EEA1: variants seen among roughly 807,000 people sequenced by gnomAD.
The protein encoded by EEA1 is early endosome antigen 1.
Under a neutral mutation model 209.2 loss-of-function variants are expected in EEA1, and 111 were observed. The observed-to-expected ratio is 0.53, with a 90% confidence interval of 0.45 to 0.62. EEA1 has a LOEUF of 0.62. Among genes scored for constraint, EEA1 ranks in the 20% least tolerant of loss-of-function variants. The pLI, the probability that EEA1 is intolerant of heterozygous loss-of-function variation, is 0.00. For missense variants in EEA1, 1,343 were observed against 1,530.8 expected, an observed-to-expected ratio of 0.88 and a Z score of 2.05; for synonymous variants, 536 against 540.6, an observed-to-expected ratio of 0.99 and a Z score of 0.12.
intron 9 of EEA1, among the ~76,000 whole-genome samples, chr12:92,847,564 C>T (rs374760706): frequency 6.6e-6 from 1 of 151,922 alleles, no homozygotes; most frequent in East Asian, 1.9e-4. Flanking sequence ...TAAGCTATTA[C>T]CCAATACAAA....
intron 14 of EEA1, 40 bp from the exon 15 acceptor site, chr12:92,816,440 A>G (rs1875788928): frequency 1.9e-6 from 3 of 1,569,056 alleles, no homozygotes; most frequent in Non-Finnish European, 2.6e-6. Context: ...TTCACAAATG[A>G]CATAACAAAA....
chr12:92,811,751 T>A (rs1875523094), intron 16 of EEA1, among the ~76,000 whole-genome samples: 1 of 152,002 alleles, frequency 6.6e-6, no homozygotes, highest in South Asian at 2.1e-4. Flanking sequence ...TATATTATAA[T>A]TAAATATTTT....
At chr12:92,830,440 T>C (rs1252812527) in intron 11 of EEA1, among the ~76,000 whole-genome samples, 1 of 152,146 alleles carries the variant, frequency 6.6e-6, no homozygotes, top group Non-Finnish European at 1.5e-5. Context: ...TTTCTGTTCC[T>C]ATATTAGCTC....
intron 19 of EEA1, 147 bp from the exon 20 acceptor site, chr12:92,801,848 A>G (rs1419075567): frequency 1.4e-5 from 7 of 488,666 alleles, no homozygotes. Flanking sequence ...TTTCAATGAT[A>G]AAACTAGGAA....
intron 3 of EEA1, chr12:92,858,392 T>C (rs1877983027): frequency 8.9e-7 from 1 of 1,120,902 alleles, no homozygotes; most frequent in East Asian, 2.3e-5. Flanking sequence ...ACAAGACTTG[T>C]AATGTGCTGG....
intron 10 of EEA1, among the ~76,000 whole-genome samples, chr12:92,841,392 C>T (rs952919374): frequency 2.0e-5 from 3 of 152,064 alleles, no homozygotes; most frequent in Admixed American, 2.0e-4. Context: ...AGCTTCATGA[C>T]ACTAGGTTTA....
At chr12:92,892,978 G>A (rs1432124664) in intron 1 of EEA1, among the ~76,000 whole-genome samples, 1 of 152,040 alleles carries the variant, frequency 6.6e-6, no homozygotes, top group Non-Finnish European at 1.5e-5. Context: ...GATTCAAGTG[G>A]TGCAAAAAAG....
chr12:92,852,039 TGGTA>T, intron 8 of EEA1, 132 bp downstream of exon 8: 1 of 576,682 alleles, frequency 1.7e-6, no homozygotes. Context: ...TATATGCAGG[TGGTA>T]GAATATAGGG....
intron 18 of EEA1, among the ~76,000 whole-genome samples, chr12:92,804,329 G>A (rs1301072322): frequency 6.6e-6 from 1 of 152,034 alleles, no homozygotes. Context: ...TCCCAGCACT[G>A]TGGGAGGCCA....
At chr12:92,896,088 C>T (rs530761868) in intron 1 of EEA1, among the ~76,000 whole-genome samples, 5 of 152,114 alleles carry the variant, frequency 3.3e-5, no homozygotes, top group Admixed American at 2.0e-4. Context: ...ATTCTCCTGC[C>T]TCAGCCTCCC....
chr12:92,813,140 T>A (rs759323581), intron 15 of EEA1, 47 bp from the exon 16 acceptor site: 1 of 1,299,126 alleles, frequency 7.7e-7, no homozygotes, highest in Non-Finnish European at 1.1e-6. Flanking sequence ...AGTTCTTGAT[T>A]TCCTCTTGCT....
At chr12:92,817,255 C>T (rs1157085701) in intron 14 of EEA1, among the ~76,000 whole-genome samples, 1 of 151,928 alleles carries the variant, frequency 6.6e-6, no homozygotes, top group Non-Finnish European at 1.5e-5. Context: ...TTGTCTTTTA[C>T]GTTCACTGAT....
At position 92,889,141 on chromosome 12, in the gene EEA1, C is replaced by A. The variant is rs116510545; in HGVS notation, c.117+2488G>T. On this transcript the variant is annotated intron_variant, in intron 2 of 28. Coordinates refer to ENST00000322349, the MANE Select transcript of EEA1 (RefSeq NM_003566.4). ...CACTCCAAGGCAACAAAGCAAGACT[C>A]TGTCTCAAAAACATTAAAAAAAAAA... 9.7e-4 allele frequency among the ~76,000 whole-genome samples: 147 copies of A among 151,012 alleles called. 1 individual carries two copies. Among genetic ancestry groups the A allele is most frequent in the African/African-American group, 3.3e-3 (134 of 40,990 alleles).
At chr12:92,901,998 G>T (rs1880162834) in intron 1 of EEA1, among the ~76,000 whole-genome samples, 1 of 151,976 alleles carries the variant, frequency 6.6e-6, no homozygotes, top group Non-Finnish European at 1.5e-5. Flanking sequence ...GTTTTATTTT[G>T]CAAAAAGAAT....
In EEA1 at chr12:92,816,316, G is replaced by T; in HGVS notation, c.1813C>A (p.Gln605Lys). 1 of 1,613,924 alleles carries T rather than the reference G, an allele frequency of 6.2e-7. No individual in the cohort carries two copies. The highest frequency in any genetic ancestry group is 8.5e-7 in the Non-Finnish European group (1 of 1,179,872). ...QENLHDQVQE[Q>K]KAHLRAAQDR... The stretch of plus-strand genomic sequence containing the variant: ...TGTGCAGCTCTAAGATGTGCCTTCT[G>T]CTCTTGTACCTGGTCATGCAAATTC... Residue 605 changes from glutamine (Q) to lysine (K), a missense_variant, in exon 15 of 29, where the codon CAG (glutamine) becomes AAG (lysine). Gln to Lys is a moderately conservative substitution (Grantham distance 53, BLOSUM62 1). Coordinates refer to ENST00000322349, the MANE Select transcript of EEA1 (RefSeq NM_003566.4).
intron 14 of EEA1, among the ~76,000 whole-genome samples, chr12:92,816,867 C>T (rs7316853): frequency 0.27 from 39,245 of 147,702 alleles, 5,690 homozygotes; most frequent in Non-Finnish European, 0.32. Context: ...GTCAGATACA[C>T]ATACTGCAAA....
chr12:92,773,365 G>A lies in EEA1; in HGVS notation c.*2646C>T, dbSNP rs1873510849. The A allele has an allele frequency of 6.6e-6, 1 of 152,096 alleles. No individual in the cohort carries two copies. Among genetic ancestry groups the A allele is most frequent in the South Asian group, 2.1e-4 (1 of 4,830 alleles). The allele number at this position is 152,096 out of a possible 1,614,324, so 9.4% of individuals were successfully genotyped here. A position where few individuals can be genotyped will look rare whatever the true frequency, so the allele number is the denominator to read the frequency against. ...AGTTACTATTTAACATTACTGTCAGGAAACTATTAAAGTAGATAATTCCAC... is the reference window on the plus strand; with the variant it reads ...AGTTACTATTTAACATTACTGTCAGAAAACTATTAAAGTAGATAATTCCAC... On this transcript the variant is annotated 3_prime_UTR_variant, in exon 29 of 29. Transcript: ENST00000322349.
chr12:92,858,869 A>G (rs1878005388), intron 3 of EEA1: 1 of 726,094 alleles, frequency 1.4e-6, no homozygotes, highest in Non-Finnish European at 2.6e-6. Flanking sequence ...GCTGGTTTGT[A>G]TGACTGGACA....
At chr12:92,789,691 G>A (rs1874310360) in intron 21 of EEA1, among the ~76,000 whole-genome samples, 1 of 152,134 alleles carries the variant, frequency 6.6e-6, no homozygotes, top group South Asian at 2.1e-4. Context: ...CTGGGGGCAG[G>A]GCATAGCTAA....
Sources: gnomAD v4.1 joint callset for allele counts (sites outside exome capture counted in the v4.1 genomes callset) on GRCh38, gnomAD v4.1.1 for gene constraint, MANE v1.5 for transcripts, NCBI Gene and HGNC (gene_info 2026-07-23, HGNC 2026-07-21) for gene names.